The following JARID2 variants were observed in gnomAD, a reference collection of about 807,000 sequenced individuals.
The protein encoded by JARID2 is protein Jumonji.
JARID2 carries 21 observed loss-of-function variants against 125.6 expected under a neutral mutation model. That is an observed-to-expected ratio of 0.17 (90% CI 0.12 to 0.24). The LOEUF (loss-of-function observed/expected upper bound fraction) is 0.24, where lower values mean the gene tolerates loss of function less well. JARID2 is among the 10% of genes least tolerant of loss of function. The pLI is 1.00. For missense variants in JARID2, 1,303 were observed against 1,639.6 expected (o/e 0.79, Z 3.55); for synonymous variants, 736 against 661.6 (o/e 1.11, Z -1.73).
At chr6:15,296,668 A>C (rs905046670) in intron 1 of JARID2, among the ~76,000 whole-genome samples, 1 of 152,182 alleles carries the variant, frequency 6.6e-6, no homozygotes, top group Non-Finnish European at 1.5e-5. Context: ...TTTGTTCCCA[A>C]GCCATAGTTA....
chr6:15,468,013 C>T (rs530041552), intron 4 of JARID2, among the ~76,000 whole-genome samples: 1 of 152,006 alleles, frequency 6.6e-6, no homozygotes, highest in African/African-American at 2.4e-5. Flanking sequence ...ATTTTTGCAT[C>T]CAGTTAACCT....
chr6:15,249,019 A>C (rs187286191), intron 1 of JARID2: 3 of 926,498 alleles, frequency 3.2e-6, no homozygotes, highest in South Asian at 9.9e-5. Flanking sequence ...CCCTGTTCTG[A>C]TGCCACTTGG....
chr6:15,477,125 A>G (rs531576884), intron 5 of JARID2, among the ~76,000 whole-genome samples: 1 of 152,352 alleles, frequency 6.6e-6, no homozygotes, highest in African/African-American at 2.4e-5. Context: ...TTTAAACAGC[A>G]TGTCATTGGA....
chr6:15,353,487 TATC>T (rs1434332487), intron 1 of JARID2, among the ~76,000 whole-genome samples: 4 of 152,176 alleles, frequency 2.6e-5, no homozygotes, highest in Non-Finnish European at 4.4e-5. Context: ...TAGGAAAAAA[TATC>T]ATTATCGAGG....
At chr6:15,489,057 C>T (rs1770020652) in intron 6 of JARID2, among the ~76,000 whole-genome samples, 1 of 152,110 alleles carries the variant, frequency 6.6e-6, no homozygotes. Context: ...ACAGAACTCT[C>T]CAATGTGTAA....
At chr6:15,406,982 A>T (rs1750243996) in intron 2 of JARID2, among the ~76,000 whole-genome samples, 1 of 152,036 alleles carries the variant, frequency 6.6e-6, no homozygotes, top group Non-Finnish European at 1.5e-5. Flanking sequence ...ACATGAGGCC[A>T]TGTGCGGTTT....
chr6:15,254,212 G>A (rs566123693), intron 1 of JARID2, among the ~76,000 whole-genome samples: 48 of 152,268 alleles, frequency 3.2e-4, no homozygotes, highest in African/African-American at 1.1e-3. Context: ...GTGTCCCTTG[G>A]GACTGGATGG....
intron 1 of JARID2, among the ~76,000 whole-genome samples, chr6:15,256,264 T>C (rs1759661713): frequency 6.6e-6 from 1 of 152,176 alleles, no homozygotes; most frequent in Non-Finnish European, 1.5e-5. Flanking sequence ...TGATAGCAAG[T>C]AGCAGATGCA....
chr6:15,344,646 C>T (rs2127473220), intron 1 of JARID2, among the ~76,000 whole-genome samples: 1 of 152,024 alleles, frequency 6.6e-6, no homozygotes, highest in Middle Eastern at 3.4e-3. Flanking sequence ...TATTTCTTAC[C>T]ATGAGTATGC....
At chr6:15,318,918 C>T (rs542544388) in intron 1 of JARID2, among the ~76,000 whole-genome samples, 1 of 152,310 alleles carries the variant, frequency 6.6e-6, no homozygotes, top group East Asian at 1.9e-4. Flanking sequence ...TGCTGTGAAT[C>T]CCAGTGGCAA....
intron 1 of JARID2, among the ~76,000 whole-genome samples, chr6:15,252,531 T>C (rs1376598346): frequency 6.6e-6 from 1 of 152,206 alleles, no homozygotes; most frequent in Non-Finnish European, 1.5e-5. Context: ...GGAGTTAAAA[T>C]AATTGTGCCA....
At chr6:15,361,765 T>C (rs1028358127) in intron 1 of JARID2, among the ~76,000 whole-genome samples, 1 of 152,140 alleles carries the variant, frequency 6.6e-6, no homozygotes, top group Non-Finnish European at 1.5e-5. Context: ...GGAAGAAATG[T>C]TGGAACTGGC....
intron 1 of JARID2, among the ~76,000 whole-genome samples, chr6:15,304,249 G>A (rs889856059): frequency 2.3e-5 from 3 of 132,276 alleles, no homozygotes; most frequent in African/African-American, 8.7e-5. Context: ...GCCTCCTTTT[G>A]CTCCTTTTCC....
At chr6:15,268,744 C>T (rs888537880) in intron 1 of JARID2, among the ~76,000 whole-genome samples, 2 of 152,220 alleles carry the variant, frequency 1.3e-5, no homozygotes, top group African/African-American at 2.4e-5. Flanking sequence ...CATGGGAGAG[C>T]TTCTTCCTGT....
intron 1 of JARID2, among the ~76,000 whole-genome samples, chr6:15,335,749 T>C (rs1351017225): frequency 6.6e-6 from 1 of 152,136 alleles, no homozygotes; most frequent in Non-Finnish European, 1.5e-5. Context: ...TATGTGCTGC[T>C]CAGTGTTTCT....
intron 2 of JARID2, among the ~76,000 whole-genome samples, chr6:15,408,082 G>T (rs1467362973): frequency 6.6e-6 from 1 of 151,860 alleles, no homozygotes; most frequent in Non-Finnish European, 1.5e-5. Context: ...TGGGCAACAT[G>T]GCGAAACCCC....
chr6:15,270,536 A>G (rs1031678673), intron 1 of JARID2, among the ~76,000 whole-genome samples: 2 of 152,194 alleles, frequency 1.3e-5, no homozygotes, highest in Non-Finnish European at 2.9e-5. Context: ...TTATTTAGGA[A>G]GGGTTATGAT....
At chr6:15,320,733 G>A (rs1184526966) in intron 1 of JARID2, among the ~76,000 whole-genome samples, 1 of 152,122 alleles carries the variant, frequency 6.6e-6, no homozygotes, top group Non-Finnish European at 1.5e-5. Context: ...TATTTCATTT[G>A]TGGAGTTAAG....
intron 1 of JARID2, chr6:15,248,733 T>C (rs1015429488): frequency 2.3e-4 from 40 of 175,438 alleles, no homozygotes; most frequent in Non-Finnish European, 4.3e-4. Context: ...GGCCGCACTC[T>C]GTTGTCATTG....
Sources: allele counts gnomAD v4.1 joint callset (sites outside exome capture counted in the v4.1 genomes callset), GRCh38; gene constraint gnomAD v4.1.1; transcripts MANE v1.5; gene names NCBI Gene and HGNC (gene_info 2026-07-23, HGNC 2026-07-21).